RALGPS1: variants seen among roughly 807,000 people sequenced by gnomAD.
The protein encoded by RALGPS1 is Ral GEF with PH domain and SH3 binding motif 1.
A neutral mutation model predicts 78.8 loss-of-function variants in RALGPS1; 19 were observed. That is an observed-to-expected ratio of 0.24 (90% CI 0.17 to 0.35). The LOEUF (loss-of-function observed/expected upper bound fraction) is 0.35, where lower values mean the gene tolerates loss of function less well. RALGPS1 is among the 10% of genes least tolerant of loss of function. The pLI is 1.00. For synonymous variants in RALGPS1, 228 were observed against 256.3 expected, an observed-to-expected ratio of 0.89 and a Z score of 1.06; for missense variants, 454 against 688.3, an observed-to-expected ratio of 0.66 and a Z score of 3.81.
At chr9:126,922,086 TGAGG>T (rs2034824667) in intron 1 of RALGPS1, among the ~76,000 whole-genome samples, 1 of 152,158 alleles carries the variant, frequency 6.6e-6, no homozygotes, top group African/African-American at 2.4e-5. Context: ...AGGGTACTGG[TGAGG>T]GAGAGGACGG....
At chr9:127,012,015 T>C (rs2044389224) in intron 4 of RALGPS1, among the ~76,000 whole-genome samples, 1 of 152,220 alleles carries the variant, frequency 6.6e-6, no homozygotes, top group African/African-American at 2.4e-5. Flanking sequence ...GCCTTCCGAC[T>C]AGACGGGCAG....
At chr9:127,128,964 G>A (rs576026899) in intron 8 of RALGPS1, among the ~76,000 whole-genome samples, 5 of 152,298 alleles carry the variant, frequency 3.3e-5, no homozygotes, top group African/African-American at 4.8e-5. Flanking sequence ...GTTAGCTCAC[G>A]TGTGACTTCT....
At chr9:127,001,786 A>G (rs1163588235) in intron 4 of RALGPS1, among the ~76,000 whole-genome samples, 1 of 152,150 alleles carries the variant, frequency 6.6e-6, no homozygotes, top group African/African-American at 2.4e-5. Flanking sequence ...TGGGAGGTTG[A>G]GGCAGGAGAA....
intron 13 of RALGPS1, among the ~76,000 whole-genome samples, chr9:127,198,799 G>A (rs1175280600): frequency 6.6e-6 from 1 of 152,176 alleles, no homozygotes; most frequent in East Asian, 1.9e-4. Flanking sequence ...GCAGTGGGAA[G>A]GTAGCAGAGG....
At chr9:126,939,921 C>T (rs149135266) in intron 1 of RALGPS1, among the ~76,000 whole-genome samples, 59 of 152,340 alleles carry the variant, frequency 3.9e-4, no homozygotes, top group African/African-American at 1.4e-3. Flanking sequence ...GAGTCCTCTG[C>T]GATCAAAGTC....
intron 5 of RALGPS1, among the ~76,000 whole-genome samples, chr9:127,043,554 A>C (rs527792606): frequency 6.6e-6 from 1 of 152,332 alleles, no homozygotes; most frequent in Admixed American, 6.5e-5. Context: ...TTTGTTAATG[A>C]GTTATCAGAT....
chr9:127,020,115 G>A (rs1182835935), intron 4 of RALGPS1, among the ~76,000 whole-genome samples: 1 of 151,912 alleles, frequency 6.6e-6, no homozygotes, highest in African/African-American at 2.4e-5. Context: ...TTTTTGTGCT[G>A]TGGTATAAAC....
At chr9:127,116,521 G>C (rs1438921663) in intron 8 of RALGPS1, among the ~76,000 whole-genome samples, 1 of 152,208 alleles carries the variant, frequency 6.6e-6, no homozygotes, top group African/African-American at 2.4e-5. Context: ...TCAGAGTCCA[G>C]CTTCTGAGTT....
chr9:127,097,513 C>T (rs1007178705), intron 8 of RALGPS1, among the ~76,000 whole-genome samples: 1 of 152,212 alleles, frequency 6.6e-6, no homozygotes, highest in Non-Finnish European at 1.5e-5. Flanking sequence ...AAACACATTT[C>T]CTTTTCACAC....
At chr9:127,024,036 CAAAAAA>C (rs61549879) in intron 4 of RALGPS1, among the ~76,000 whole-genome samples, 2 of 71,666 alleles carry the variant, frequency 2.8e-5, no homozygotes, top group African/African-American at 1.2e-4. Flanking sequence ...GACTCTGTCT[CAAAAAA>C]AAAAAAAAAA....
At chr9:127,194,679 C>T (rs2061259564) in intron 11 of RALGPS1, among the ~76,000 whole-genome samples, 1 of 152,218 alleles carries the variant, frequency 6.6e-6, no homozygotes, top group Admixed American at 6.5e-5. Flanking sequence ...TCCCAAATTG[C>T]TGGGATTACA....
chr9:126,968,956 G>A (rs554557240), intron 3 of RALGPS1, among the ~76,000 whole-genome samples: 219 of 152,206 alleles, frequency 1.4e-3, no homozygotes, highest in Non-Finnish European at 2.2e-3. Flanking sequence ...GCTGAGGCAG[G>A]AGAATCACTT....
chr9:126,957,238 G>T (rs2038432030), intron 1 of RALGPS1, among the ~76,000 whole-genome samples: 1 of 152,254 alleles, frequency 6.6e-6, no homozygotes, highest in Non-Finnish European at 1.5e-5. Context: ...GGCAGAGGGT[G>T]TGCGCCGATG....
At chr9:127,175,441 G>A (rs1222087847) in intron 11 of RALGPS1, among the ~76,000 whole-genome samples, 3 of 152,168 alleles carry the variant, frequency 2.0e-5, no homozygotes, top group Admixed American at 6.5e-5. Context: ...TTGTGAAAGT[G>A]TGCTCAGTGT....
At chr9:127,217,456 C>T (rs570035467) in intron 18 of RALGPS1, 43 of 985,764 alleles carry the variant, frequency 4.4e-5, no homozygotes, top group South Asian at 9.4e-5. Flanking sequence ...AAGGAAACAT[C>T]GCAGTGACTA....
Position 126,977,697 on chromosome 9 carries a change from C to A in RALGPS1, c.168C>A (p.Ser56Arg). The change falls in exon 4 of 19, where the codon AGC (serine) becomes AGA (arginine). Residue 56 changes from serine to arginine, a missense_variant and splice_region_variant. By Grantham distance (110) the Ser-to-Arg change is moderately radical. Coordinates refer to ENST00000259351, the MANE Select transcript of RALGPS1 (RefSeq NM_014636.3). The part of the protein sequence containing the change: ...VLKVTPEEFA[S>R]QITLMDIPVF... ...AAATTGATTCTCTTTTGTTGCAGAG[C>A]CAGATTACATTAATGGATATACCTG... 1 of 1,591,290 alleles carries A rather than the reference C, an allele frequency of 6.3e-7. No individual in the cohort carries two copies. The highest frequency in any genetic ancestry group is 8.6e-7 in the Non-Finnish European group (1 of 1,167,056).
intron 4 of RALGPS1, among the ~76,000 whole-genome samples, chr9:126,997,816 A>ACTCT (rs1351595009): frequency 6.6e-6 from 1 of 152,214 alleles, no homozygotes; most frequent in African/African-American, 2.4e-5. Context: ...TGGTACCAAA[A>ACTCT]CAGAGATATG....
chr9:126,930,175 T>C (rs556075933), intron 1 of RALGPS1, among the ~76,000 whole-genome samples: 1 of 123,604 alleles, frequency 8.1e-6, no homozygotes, highest in Admixed American at 7.6e-5. Flanking sequence ...TTTATTTTAG[T>C]TTTTTTTTTT....
intron 4 of RALGPS1, among the ~76,000 whole-genome samples, chr9:127,022,658 A>G (rs1008456928): frequency 1.3e-5 from 2 of 151,788 alleles, no homozygotes; most frequent in Admixed American, 1.3e-4. Flanking sequence ...CTGTTCTCAG[A>G]TATCTCATGG....
Sources: gnomAD v4.1 joint callset for allele counts (sites outside exome capture counted in the v4.1 genomes callset) on GRCh38, gnomAD v4.1.1 for gene constraint, MANE v1.5 for transcripts, NCBI Gene and HGNC (gene_info 2026-07-23, HGNC 2026-07-21) for gene names.